Variants in SPAG16 observed in about 807,000 individuals in gnomAD.
The protein encoded by SPAG16 is sperm-associated antigen 16 protein.
SPAG16 carries 86 observed loss-of-function variants against 80.4 expected under a neutral mutation model. The ratio of observed to expected loss-of-function variants is 1.07; its 90% CI spans 0.90 to 1.28. The LOEUF (loss-of-function observed/expected upper bound fraction) is 1.28. Among genes scored for constraint, SPAG16 ranks in the 50% most tolerant of loss-of-function variants. The probability of loss-of-function intolerance (pLI) is 0.00; values close to 1 mark genes in which losing one functional copy is unlikely to be tolerated. For synonymous variants in SPAG16, 294 were observed against 265.9 expected (o/e 1.11, Z -1.03); for missense variants, 870 against 765.3 (o/e 1.14, Z -1.61).
intron 13 of SPAG16, among the ~76,000 whole-genome samples, chr2:214,048,642 C>T (rs550282888): frequency 6.6e-6 from 1 of 152,116 alleles, no homozygotes; most frequent in Admixed American, 6.5e-5. Flanking sequence ...CTAGTATTTG[C>T]TAACACAACA....
chr2:213,422,577 C>T (rs1331798873), intron 9 of SPAG16: 3 of 398,118 alleles, frequency 7.5e-6, no homozygotes, highest in African/African-American at 6.0e-5. Flanking sequence ...GGCAAAGGTA[C>T]CACCAGCCAC....
intron 13 of SPAG16, among the ~76,000 whole-genome samples, chr2:214,042,433 A>AAACAACAAC (rs150244128): frequency 5.3e-5 from 8 of 149,860 alleles, no homozygotes; most frequent in South Asian, 4.2e-4. Context: ...AACAAAAACA[A>AAACAACAAC]AACAACAACA....
chr2:214,321,536 C>T (rs1341529689), intron 15 of SPAG16, among the ~76,000 whole-genome samples: 1 of 152,168 alleles, frequency 6.6e-6, no homozygotes, highest in Non-Finnish European at 1.5e-5. Context: ...TTTACTAGGC[C>T]ACAATTGCTC....
intron 15 of SPAG16, among the ~76,000 whole-genome samples, chr2:214,314,061 A>C (rs2125983134): frequency 6.6e-6 from 1 of 152,184 alleles, no homozygotes; most frequent in South Asian, 2.1e-4. Flanking sequence ...TTTTGTATTT[A>C]TTTCCAATTT....
At chr2:213,354,401 C>A (rs1258186825) in intron 7 of SPAG16, among the ~76,000 whole-genome samples, 1 of 152,126 alleles carries the variant, frequency 6.6e-6, no homozygotes, top group African/African-American at 2.4e-5. Context: ...GGTATATACC[C>A]CGTAATGGGA....
chr2:213,648,128 T>C (rs2062888901), intron 10 of SPAG16, among the ~76,000 whole-genome samples: 1 of 152,214 alleles, frequency 6.6e-6, no homozygotes, highest in African/African-American at 2.4e-5. Context: ...TTTTCCTTCA[T>C]TTGCAAGACG....
intron 15 of SPAG16, among the ~76,000 whole-genome samples, chr2:214,307,566 G>A (rs1695005733): frequency 6.6e-6 from 1 of 152,110 alleles, no homozygotes; most frequent in African/African-American, 2.4e-5. Flanking sequence ...TGCCTTAGCT[G>A]TGTCCCAGAG....
chr2:213,901,988 G>T (rs1179788903), intron 11 of SPAG16, among the ~76,000 whole-genome samples: 1 of 152,138 alleles, frequency 6.6e-6, no homozygotes, highest in Non-Finnish European at 1.5e-5. Flanking sequence ...TCTGGATCCT[G>T]GTCTGAATGA....
intron 5 of SPAG16, among the ~76,000 whole-genome samples, chr2:213,324,811 C>G (rs148754167): frequency 6.6e-6 from 1 of 151,988 alleles, no homozygotes; most frequent in Non-Finnish European, 1.5e-5. Flanking sequence ...ATGAACTGCT[C>G]GTACATATTC....
At chr2:213,557,235 T>A (rs1418573480) in intron 10 of SPAG16, among the ~76,000 whole-genome samples, 2 of 152,174 alleles carry the variant, frequency 1.3e-5, no homozygotes, top group Non-Finnish European at 2.9e-5. Flanking sequence ...ATCACCTTTT[T>A]AAATCTCTTA....
chr2:213,852,080 A>T (rs534847977), intron 10 of SPAG16, among the ~76,000 whole-genome samples: 1 of 152,312 alleles, frequency 6.6e-6, no homozygotes, highest in Admixed American at 6.5e-5. Flanking sequence ...TTGTTTTGTG[A>T]CTTTTATTGC....
intron 15 of SPAG16, chr2:214,240,532 T>A (rs974334337): frequency 3.3e-5 from 5 of 152,184 alleles, no homozygotes; most frequent in African/African-American, 1.2e-4. Context: ...ACCAAAATAA[T>A]GCTTAAAACA....
intron 15 of SPAG16, among the ~76,000 whole-genome samples, chr2:214,353,770 G>C (rs1163834141): frequency 6.6e-6 from 1 of 152,086 alleles, no homozygotes; most frequent in African/African-American, 2.4e-5. Context: ...TATACGGTCA[G>C]TGTAACCCGT....
chr2:213,420,699 C>T (rs146160797), intron 9 of SPAG16, among the ~76,000 whole-genome samples: 1 of 152,160 alleles, frequency 6.6e-6, no homozygotes, highest in Non-Finnish European at 1.5e-5. Flanking sequence ...CCTAATACCA[C>T]TATGGAGTTT....
At chr2:214,193,932 C>T (rs1003683356) in intron 15 of SPAG16, among the ~76,000 whole-genome samples, 1 of 152,068 alleles carries the variant, frequency 6.6e-6, no homozygotes, top group African/African-American at 2.4e-5. Flanking sequence ...TTCTCAGACA[C>T]TACCAACGTT....
chr2:214,352,303 C>A (rs1159967391), intron 15 of SPAG16, among the ~76,000 whole-genome samples: 1 of 152,182 alleles, frequency 6.6e-6, no homozygotes, highest in Non-Finnish European at 1.5e-5. Context: ...CAGTTATCAT[C>A]ATTTTCAAAG....
intron 4 of SPAG16, among the ~76,000 whole-genome samples, chr2:213,316,060 C>T (rs1393641715): frequency 2.0e-5 from 3 of 151,842 alleles, no homozygotes; most frequent in Non-Finnish European, 4.4e-5. Flanking sequence ...TTTAAATTGC[C>T]AACCCTGACT....
At chr2:214,291,163 A>G (rs1234040032) in intron 15 of SPAG16, among the ~76,000 whole-genome samples, 1 of 152,114 alleles carries the variant, frequency 6.6e-6, no homozygotes, top group African/African-American at 2.4e-5. Flanking sequence ...TTTATGTGAC[A>G]TAAGCATAGC....
intron 15 of SPAG16, chr2:214,250,188 G>A (rs116258190): frequency 6.6e-6 from 1 of 152,104 alleles, no homozygotes; most frequent in Non-Finnish European, 1.5e-5. Flanking sequence ...TCTGTAAAGA[G>A]AGGAACACTC....
Sources: allele counts gnomAD v4.1 joint callset (sites outside exome capture counted in the v4.1 genomes callset), GRCh38; gene constraint gnomAD v4.1.1; transcripts MANE v1.5; gene names NCBI Gene and HGNC (gene_info 2026-07-23, HGNC 2026-07-21).